The following THAP4 variants were observed in gnomAD, a reference collection of about 807,000 sequenced individuals.
THAP4 encodes the protein THAP domain containing 4, also known as peroxynitrite isomerase THAP4.
Under a neutral mutation model 48.1 loss-of-function variants are expected in THAP4, and 18 were observed. That is an observed-to-expected ratio of 0.37 (90% CI 0.26 to 0.56). The LOEUF (loss-of-function observed/expected upper bound fraction) is 0.56, where lower values mean the gene tolerates loss of function less well. Ranked by LOEUF, THAP4 falls within the 20% of genes least tolerant of loss-of-function variation. The pLI is 0.78. For synonymous variants in THAP4, 345 were observed against 324.9 expected (o/e 1.06, Z -0.66); for missense variants, 656 against 774.9 (o/e 0.85, Z 1.82).
rs745425062 is a variant in THAP4, at chr2:241,584,579, C to T, written c.*27G>A. 6.2e-7 allele frequency: 1 copy of T among 1,613,768 alleles called. No individual in the cohort carries two copies. The highest frequency in any genetic ancestry group is 1.3e-5 in the African/African-American group (1 of 74,842). Reference sequence around the variant, plus strand: ...ACCGTTGAGGCACAGTAGCCAGGCCCTCCCGAGGGCTCCAGAAGCTCTAGG... The same window carrying T: ...ACCGTTGAGGCACAGTAGCCAGGCCTTCCCGAGGGCTCCAGAAGCTCTAGG... On this transcript the variant is annotated 3_prime_UTR_variant, in exon 6 of 6. Transcript: ENST00000407315.
chr2:241,602,962 G>A lies in THAP4; in HGVS notation c.1510+8C>T. The A allele has an allele frequency of 6.2e-7, 1 of 1,610,232 alleles. No individual in the cohort carries two copies. Among genetic ancestry groups the A allele is most frequent in the Non-Finnish European group, 8.5e-7 (1 of 1,176,782 alleles). The stretch of plus-strand genomic sequence containing the variant: ...GCCAGCCCTCCCGCCCCGCAAGCTG[G>A]GCCTCACCTGTGTTCTGGGCGCTGA... On this transcript the variant is annotated splice_region_variant and intron_variant, in intron 4 of 5. Transcript: ENST00000407315.
At chr2:241,618,398 C>CTA (rs1476550331) in intron 2 of THAP4, among the ~76,000 whole-genome samples, 5 of 152,206 alleles carry the variant, frequency 3.3e-5, no homozygotes, top group Admixed American at 6.5e-5. Context: ...CTATTAGAAT[C>CTA]TACAAGTGAA....
At chr2:241,588,895 G>A (rs958619414) in intron 5 of THAP4, among the ~76,000 whole-genome samples, 3 of 151,862 alleles carry the variant, frequency 2.0e-5, no homozygotes, top group Non-Finnish European at 2.9e-5. Context: ...ACTGACTAGA[G>A]AAAAAAAATG....
At chr2:241,623,140 C>T (rs982548912) in intron 2 of THAP4, among the ~76,000 whole-genome samples, 2 of 152,042 alleles carry the variant, frequency 1.3e-5, no homozygotes, top group Non-Finnish European at 2.9e-5. Flanking sequence ...TCACTTGAAC[C>T]AGGGAGTCGG....
intron 1 of THAP4, among the ~76,000 whole-genome samples, chr2:241,635,128 C>T (rs892660696): frequency 4.6e-5 from 7 of 152,122 alleles, no homozygotes; most frequent in South Asian, 2.1e-4. Context: ...ACTGAAAAAG[C>T]GGTAGGAAAG....
At chr2:241,619,859 TGAG>T (rs201126642) in intron 2 of THAP4, among the ~76,000 whole-genome samples, 31 of 43,930 alleles carry the variant, frequency 7.1e-4, no homozygotes, top group Admixed American at 9.1e-4. Flanking sequence ...GAGGGGTGAG[TGAG>T]GAGTCGGTGA....
intron 5 of THAP4, among the ~76,000 whole-genome samples, chr2:241,587,317 G>A (rs774455580): frequency 1.3e-4 from 20 of 152,166 alleles, no homozygotes; most frequent in Middle Eastern, 3.4e-3. Context: ...TTCCTCCCCC[G>A]TCCTTGGACA....
Position 241,601,725 on chromosome 2 carries a change from AG to A in THAP4, c.1614+170del, listed in dbSNP as rs1023632328. On this transcript the variant is annotated intron_variant, in intron 5 of 5. Coordinates refer to ENST00000407315, the MANE Select transcript of THAP4 (RefSeq NM_015963.6). This position sits in a 1 kb window ranked among gnomAD's most constrained non-coding sequence, Gnocchi z 4.0. ...CAGCCGAGGAGGGGGCAATGAATTTAGGGAACATCCACCCTGGATGGTCCGA... is the reference window on the plus strand; with the variant it reads ...CAGCCGAGGAGGGGGCAATGAATTTAGGAACATCCACCCTGGATGGTCCGA... 12 of 1,279,366 alleles carry A rather than the reference AG, an allele frequency of 9.4e-6. No individual in the cohort carries two copies. The African/African-American group carries it at 1.3e-4, about 14-fold the overall frequency. The allele number at this position is 1,279,366 out of a possible 1,614,324, so 79.3% of individuals were successfully genotyped here.
Position 241,607,411 on chromosome 2 carries a change from G to A in THAP4, c.1241-938C>T, listed in dbSNP as rs564937712. On this transcript the variant is annotated intron_variant, in intron 2 of 5. Coordinates refer to ENST00000407315, the MANE Select transcript of THAP4 (RefSeq NM_015963.6). ...CTCATTTTCTAAGGGAGACCTGTGC[G>A]GGGACCACAGGAAAGCCCCACTGCA... 2.6e-5 allele frequency among the ~76,000 whole-genome samples: 4 copies of A among 151,954 alleles called. No homozygotes were observed. In the East Asian group the frequency reaches 7.8e-4, roughly 30 times the overall value.
intron 3 of THAP4, among the ~76,000 whole-genome samples, chr2:241,604,842 G>A (rs1472195967): frequency 6.6e-6 from 1 of 152,232 alleles, no homozygotes; most frequent in East Asian, 1.9e-4. Flanking sequence ...ACAGGCACGA[G>A]CCACCGCGCT....
At chr2:241,620,195 TGAG>T (rs1490078576) in intron 2 of THAP4, among the ~76,000 whole-genome samples, 1 of 31,692 alleles carries the variant, frequency 3.2e-5, no homozygotes, top group South Asian at 1.7e-3. Flanking sequence ...GAGTGAGGGG[TGAG>T]GAGTGAGTGA....
At chr2:241,637,186 G>A, upstream of THAP4, 1 of 983,794 alleles carries the variant, frequency 1.0e-6, no homozygotes, top group Non-Finnish European at 1.2e-6. Context: ...CAGCGGGCCC[G>A]CCCCCGCCCC....
At chr2:241,624,400 T>C (rs1019216949) in intron 2 of THAP4, among the ~76,000 whole-genome samples, 2 of 151,326 alleles carry the variant, frequency 1.3e-5, no homozygotes, top group Admixed American at 6.6e-5. Context: ...GGCAGGAGAA[T>C]CGCTTGAACC....
Position 241,606,304 on chromosome 2 carries a change from G to A in THAP4, c.1400+10C>T, listed in dbSNP as rs1184927775. ...AGTCAAGCAGGGTGGGGTGGAGGGA[G>A]ACAACTTACGAGAAGTTCAGCATGG... On this transcript the variant is annotated intron_variant, in intron 3 of 5. Transcript: ENST00000407315. 2 of 1,546,658 alleles carry A rather than the reference G, an allele frequency of 1.3e-6. No individual in the cohort carries two copies. Among genetic ancestry groups the A allele is most frequent in the South Asian group, 1.2e-5 (1 of 83,810 alleles).
intron 5 of THAP4, among the ~76,000 whole-genome samples, chr2:241,589,384 T>C (rs150251912): frequency 2.0e-3 from 303 of 152,254 alleles, no homozygotes; most frequent in Admixed American, 3.3e-3. Context: ...AACAGGCTCT[T>C]ACAACTCAGG....
rs2067292563 is a variant in THAP4, at chr2:241,612,782, AGTCACAC to A, written c.1241-6316_1241-6310del. On this transcript the variant is annotated intron_variant, in intron 2 of 5. Transcript: ENST00000407315. The surrounding 1 kb of genome is among the most constrained non-coding windows in gnomAD (Gnocchi z 4.1). ...TGCGTTCTGTGGCAGAAGACGCTAG[AGTCACAC>A]GTAGAAGGCGCATGAGGAGGGAAGG... Among the ~76,000 whole-genome samples the A allele has an allele frequency of 6.6e-5, 10 of 152,200 alleles. No homozygotes were observed. The South Asian group carries it at 2.1e-3, about 32-fold the overall frequency.
intron 2 of THAP4, among the ~76,000 whole-genome samples, chr2:241,630,939 T>C (rs929942906): frequency 2.0e-5 from 3 of 151,908 alleles, no homozygotes; most frequent in African/African-American, 4.8e-5. Context: ...GGTAGGAGAA[T>C]TGCTTGAACC....
chr2:241,617,365 A>C lies in THAP4; in HGVS notation c.1241-10892T>G, dbSNP rs1575032414. 4 of 1,350,042 alleles carry C rather than the reference A, an allele frequency of 3.0e-6. No homozygotes were observed. The East Asian group carries it at 1.0e-4, about 34-fold the overall frequency. 83.6% of individuals were successfully genotyped at this position (1,350,042 alleles called of 1,614,324 possible). ...ACAAAAATTTAAATTTCCTGCAAGA[A>C]ATTTAAATTTTCATGTTTTGGCCCA... On this transcript the variant is annotated intron_variant, in intron 2 of 5. Coordinates refer to ENST00000407315, the MANE Select transcript of THAP4 (RefSeq NM_015963.6).
Position 241,632,901 on chromosome 2 carries a change from A to C in THAP4, c.1240+16T>G. The stretch of plus-strand genomic sequence containing the variant: ...AACGGGAAGGGAACATGGGTACGCG[A>C]GGCTCCGGTACTGACCGCGGCTGGG... On this transcript the variant is annotated intron_variant, in intron 2 of 5. Coordinates refer to ENST00000407315, the MANE Select transcript of THAP4 (RefSeq NM_015963.6). 3 of 1,555,422 alleles carry C rather than the reference A, an allele frequency of 1.9e-6. No homozygotes were observed. The highest frequency in any genetic ancestry group is 2.6e-6 in the Non-Finnish European group (3 of 1,150,174).
Sources: gnomAD v4.1 joint callset for allele counts (sites outside exome capture counted in the v4.1 genomes callset) on GRCh38, gnomAD v4.1.1 for gene constraint, Gnocchi (gnomAD v3.1) non-coding constraint, MANE v1.5 for transcripts, NCBI Gene and HGNC (gene_info 2026-07-23, HGNC 2026-07-21) for gene names.